NUMB: variants seen among roughly 807,000 people sequenced by gnomAD.
NUMB encodes NUMB endocytic adaptor protein, also known as protein numb homolog.
A neutral mutation model predicts 59.7 loss-of-function variants in NUMB; 29 were observed. The ratio of observed to expected loss-of-function variants is 0.49; its 90% CI spans 0.36 to 0.66. The LOEUF (loss-of-function observed/expected upper bound fraction) is 0.66. Ranked by LOEUF, NUMB falls within the 30% of genes least tolerant of loss-of-function variation. The probability of loss-of-function intolerance (pLI) is 0.00; values close to 1 mark genes in which losing one functional copy is unlikely to be tolerated. For missense variants in NUMB, 723 were observed against 822.0 expected (o/e 0.88, Z 1.47); for synonymous variants, 288 against 288.2 (o/e 1.00, Z 0.01).
At chr14:73,453,094 A>C (rs1432819789) in intron 1 of NUMB, among the ~76,000 whole-genome samples, 1 of 151,824 alleles carries the variant, frequency 6.6e-6, no homozygotes, top group African/African-American at 2.4e-5. Context: ...TTTTGCCTCA[A>C]GATTTCGAAG....
Position 73,284,598 on chromosome 14 carries a change from G to T in NUMB, c.656-224C>A, listed in dbSNP as rs1888857882. 6 of 399,082 alleles carry T rather than the reference G, an allele frequency of 1.5e-5. No homozygotes were observed. In the East Asian group the frequency reaches 2.5e-4, roughly 17 times the overall value. The allele number at this position is 399,082 out of a possible 1,614,324, so 24.7% of individuals were successfully genotyped here. A position where few individuals can be genotyped will look rare whatever the true frequency, so the allele number is the denominator to read the frequency against. Reference sequence around the variant, plus strand: ...CATATCTACTAAGACAGAAATGTTAGATCTTTTATTCTCATTCAGTGATTT... The same window carrying T: ...CATATCTACTAAGACAGAAATGTTATATCTTTTATTCTCATTCAGTGATTT... On this transcript the variant is annotated intron_variant, in intron 9 of 12. Transcript: ENST00000555238.
intron 2 of NUMB, among the ~76,000 whole-genome samples, chr14:73,370,942 C>G (rs1894643083): frequency 6.6e-6 from 1 of 152,138 alleles, no homozygotes; most frequent in African/African-American, 2.4e-5. Flanking sequence ...TACATTTCAT[C>G]TGATTTGCTT....
At chr14:73,448,231 C>T (rs1489065526) in intron 1 of NUMB, among the ~76,000 whole-genome samples, 1 of 152,142 alleles carries the variant, frequency 6.6e-6, no homozygotes, top group Admixed American at 6.6e-5. Flanking sequence ...AATGAATCAA[C>T]TCTTTAAAAT....
At chr14:73,454,256 G>A (rs1002335853) in intron 1 of NUMB, among the ~76,000 whole-genome samples, 18 of 152,044 alleles carry the variant, frequency 1.2e-4, no homozygotes, top group South Asian at 6.2e-4. Flanking sequence ...TCAGAAATCT[G>A]CAGAATTCAA....
chr14:73,433,645 T>C (rs891907119), intron 1 of NUMB, among the ~76,000 whole-genome samples: 9 of 152,138 alleles, frequency 5.9e-5, no homozygotes, highest in African/African-American at 1.7e-4. Flanking sequence ...AAGTGACTTA[T>C]CTTCTCTAGA....
intron 1 of NUMB, among the ~76,000 whole-genome samples, chr14:73,446,494 T>C (rs1422528096): frequency 2.0e-5 from 3 of 151,354 alleles, no homozygotes; most frequent in Non-Finnish European, 4.4e-5. Context: ...TAATCCCAGC[T>C]ACTCAGGAGG....
At chr14:73,407,304 T>C (rs988887741) in intron 2 of NUMB, among the ~76,000 whole-genome samples, 2 of 152,088 alleles carry the variant, frequency 1.3e-5, no homozygotes, top group Non-Finnish European at 2.9e-5. Flanking sequence ...ATACAAAAAT[T>C]AGCCAGGCAT....
rs1244150334 is a variant in NUMB, at chr14:73,431,636, C to T, written c.-232-21568G>A. On this transcript the variant is annotated intron_variant, in intron 1 of 12. Coordinates refer to ENST00000555238, the MANE Select transcript of NUMB (RefSeq NM_001005743.2). ...TGGTGGCATGTGCATGTAATCCCAGCTACTCGGGAGGCTGAGGCAGGAGAA... is the reference window on the plus strand; with the variant it reads ...TGGTGGCATGTGCATGTAATCCCAGTTACTCGGGAGGCTGAGGCAGGAGAA... Among the ~76,000 whole-genome samples, 21 of 151,912 alleles carry T rather than the reference C, an allele frequency of 1.4e-4. 1 individual carries two copies.
chr14:73,377,920 T>C (rs142971213), intron 2 of NUMB, among the ~76,000 whole-genome samples: 124 of 151,820 alleles, frequency 8.2e-4, no homozygotes, highest in African/African-American at 2.7e-3. Flanking sequence ...TGAGCTGAGA[T>C]TGCGCCACTG....
chr14:73,372,315 A>ATATATATATATATAACCTTT (rs1894727168), intron 2 of NUMB, among the ~76,000 whole-genome samples: 15 of 105,370 alleles, frequency 1.4e-4, no homozygotes, highest in African/African-American at 4.9e-4. Context: ...TTATATATAT[A>ATATATATATATATAACCTTT]TATATATATA....
chr14:73,389,682 T>C (rs981901175), intron 2 of NUMB, among the ~76,000 whole-genome samples: 1 of 152,116 alleles, frequency 6.6e-6, no homozygotes, highest in Non-Finnish European at 1.5e-5. Flanking sequence ...AGGGCAAAAG[T>C]TTAAAGTTAA....
chr14:73,452,221 G>A (rs891195759), intron 1 of NUMB, among the ~76,000 whole-genome samples: 1 of 152,156 alleles, frequency 6.6e-6, no homozygotes, highest in Non-Finnish European at 1.5e-5. Flanking sequence ...TTAGCGGGGT[G>A]TGGTAGTGCA....
At chr14:73,444,656 G>A (rs1389979080) in intron 1 of NUMB, among the ~76,000 whole-genome samples, 8 of 151,756 alleles carry the variant, frequency 5.3e-5, no homozygotes, top group Non-Finnish European at 1.0e-4. Flanking sequence ...TCAAGAGATC[G>A]AGACTTTCCT....
chr14:73,449,531 G>A (rs1034263437), intron 1 of NUMB, among the ~76,000 whole-genome samples: 3 of 152,082 alleles, frequency 2.0e-5, no homozygotes, highest in Non-Finnish European at 2.9e-5. Flanking sequence ...ATCCAAGGAT[G>A]CAGAATACAC....
At chr14:73,418,272 C>T (rs572047196) in intron 1 of NUMB, among the ~76,000 whole-genome samples, 3 of 152,078 alleles carry the variant, frequency 2.0e-5, no homozygotes, top group East Asian at 3.9e-4. Context: ...TATAAGATAA[C>T]CAGAATAGTC....
chr14:73,277,998 C>T lies in NUMB; in HGVS notation c.1241-705G>A, dbSNP rs149399129. 3.9e-3 allele frequency among the ~76,000 whole-genome samples: 471 copies of T among 120,816 alleles called. 1 individual carries two copies. The highest frequency in any genetic ancestry group is 0.014 in the African/African-American group (443 of 30,974). The allele number at this position is 120,816 out of a possible 152,430, so 79.3% of individuals were successfully genotyped here. A position where few individuals can be genotyped will look rare whatever the true frequency, so the allele number is the denominator to read the frequency against. ...GCTTGAACCTGAGAGGCAGAGGGTG[C>T]AGTGAACCAAGATACTCCAGCCTAG... On this transcript the variant is annotated intron_variant, in intron 12 of 12. Coordinates refer to ENST00000555238, the MANE Select transcript of NUMB (RefSeq NM_001005743.2).
chr14:73,345,054 C>T (rs2139987631), intron 4 of NUMB, among the ~76,000 whole-genome samples: 1 of 152,276 alleles, frequency 6.6e-6, no homozygotes, highest in South Asian at 2.1e-4. Context: ...CTTTTATGTT[C>T]ATCACAGCAC....
At chr14:73,380,613 T>C (rs1895182162) in intron 2 of NUMB, among the ~76,000 whole-genome samples, 1 of 152,188 alleles carries the variant, frequency 6.6e-6, no homozygotes, top group South Asian at 2.1e-4. Context: ...TAACTATTGG[T>C]GTATGCCATG....
At chr14:73,344,503 T>C (rs1892806645) in intron 4 of NUMB, among the ~76,000 whole-genome samples, 3 of 152,350 alleles carry the variant, frequency 2.0e-5, no homozygotes, top group South Asian at 2.1e-4. Flanking sequence ...AATCACTTAA[T>C]AGAGCAAAAT....
Sources: allele counts gnomAD v4.1 joint callset (sites outside exome capture counted in the v4.1 genomes callset), GRCh38; gene constraint gnomAD v4.1.1; transcripts MANE v1.5; gene names NCBI Gene and HGNC (gene_info 2026-07-23, HGNC 2026-07-21).